Variants in REV3L observed in about 807,000 individuals in gnomAD.
REV3L encodes REV3 like, DNA directed polymerase zeta catalytic subunit, also known as DNA polymerase zeta catalytic subunit.
Under a neutral mutation model 299.4 loss-of-function variants are expected in REV3L, and 69 were observed. The observed-to-expected ratio is 0.23, with a 90% CI of 0.19 to 0.28. The LOEUF is 0.28. Among genes scored for constraint, REV3L ranks in the 10% least tolerant of loss-of-function variants. The probability of loss-of-function intolerance (pLI) is 1.00; values close to 1 mark genes in which losing one functional copy is unlikely to be tolerated. For synonymous variants in REV3L, 1,238 were observed against 1,271.4 expected (o/e 0.97, Z 0.56); for missense variants, 3,128 against 3,693.8 (o/e 0.85, Z 3.97).
Position 111,300,153 on chromosome 6 carries a change from A to C in REV3L, c.9256T>G (p.Cys3086Gly), listed in dbSNP as rs1771318155. 1 of 1,578,730 alleles carries C rather than the reference A, an allele frequency of 6.3e-7. No homozygotes were observed. The highest frequency in any genetic ancestry group is 8.6e-7 in the Non-Finnish European group (1 of 1,166,628). The change falls in exon 32 of 32, where the codon TGC becomes GGC. Residue 3086 changes from cysteine to glycine, a missense_variant. Physicochemically the swap from Cys to Gly is radical, Grantham distance 159 (BLOSUM62 -3). Coordinates refer to ENST00000368802, the MANE Select transcript of REV3L (RefSeq NM_001372078.1). ...TCAAAGCAACCTGTACAGTTCTTGC[A>C]TATCTGAAAGCATAAGAGAAATACA... ...ERQQEQLVKI[C>G]KNCTGCFDRH...
chr6:111,305,619 A>AT (rs1350072260), intron 31 of REV3L, among the ~76,000 whole-genome samples: 1 of 152,060 alleles, frequency 6.6e-6, no homozygotes, highest in African/African-American at 2.4e-5. Context: ...AAATAAATAA[A>AT]AAGAAAAAAA....
intron 1 of REV3L, among the ~76,000 whole-genome samples, chr6:111,471,048 T>C (rs767955726): frequency 4.7e-4 from 71 of 152,258 alleles, no homozygotes; most frequent in Middle Eastern, 3.4e-3. Context: ...GGAATGTATG[T>C]AGAAAATATA....
chr6:111,440,350 T>C (rs1277047980), intron 1 of REV3L, among the ~76,000 whole-genome samples: 1 of 152,188 alleles, frequency 6.6e-6, no homozygotes, highest in Non-Finnish European at 1.5e-5. Flanking sequence ...ATTACAGGCG[T>C]GAGCCACCAC....
In REV3L at chr6:111,311,093, C is replaced by T; in HGVS notation, c.8771G>A (p.Cys2924Tyr). The change falls in exon 29 of 32, where the codon TGT (cysteine) becomes TAT (tyrosine). Residue 2924 changes from cysteine to tyrosine, a missense_variant. Around this residue, in one of 9 missense-constraint regions of REV3L, gnomAD observed 294 missense variants for 377.0 expected, o/e 0.78. Transcript: ENST00000368802. ...RGSFSYKPGA[C>Y]VPALELTRKM... Reference sequence around the variant, plus strand: ...CCTTGTAAGTTCAAGGGCTGGCACACAAGCTCCTGGTTTATAAGAAAAACT... The same window carrying T: ...CCTTGTAAGTTCAAGGGCTGGCACATAAGCTCCTGGTTTATAAGAAAAACT... The T allele has an allele frequency of 6.2e-7, 1 of 1,613,384 alleles. No homozygotes were observed. Among genetic ancestry groups the T allele is most frequent in the African/African-American group, 1.3e-5 (1 of 74,996 alleles).
At chr6:111,430,420 T>C in intron 1 of REV3L, 4 of 1,474,934 alleles carry the variant, frequency 2.7e-6, no homozygotes, top group Non-Finnish European at 3.8e-6. Flanking sequence ...CTAAAGGATA[T>C]TTTCAAACTA....
At chr6:111,318,425 G>A (rs1406665017) in intron 26 of REV3L, among the ~76,000 whole-genome samples, 1 of 152,052 alleles carries the variant, frequency 6.6e-6, no homozygotes. Context: ...ACCGTGCCCG[G>A]CCAGGTTTTC....
intron 26 of REV3L, 125 bp downstream of exon 26, chr6:111,322,444 G>A (rs1266413858): frequency 8.6e-6 from 6 of 699,936 alleles, no homozygotes; most frequent in Admixed American, 2.3e-5. Flanking sequence ...TCATGAGATC[G>A]TAAGGACTGG....
chr6:111,352,885 G>A (rs1438100979), intron 18 of REV3L, among the ~76,000 whole-genome samples: 1 of 152,136 alleles, frequency 6.6e-6, no homozygotes, highest in Non-Finnish European at 1.5e-5. Context: ...ATAGAGAAAT[G>A]TTTAGCTATA....
intron 13 of REV3L, 33 bp downstream of exon 13, chr6:111,372,563 C>A: frequency 7.0e-7 from 1 of 1,426,022 alleles, no homozygotes; most frequent in South Asian, 1.7e-5. Flanking sequence ...CATAATAATT[C>A]AGAGTGACCC....
At chr6:111,328,596 TG>T (rs1244755849) in intron 25 of REV3L, among the ~76,000 whole-genome samples, 3 of 152,154 alleles carry the variant, frequency 2.0e-5, no homozygotes, top group African/African-American at 7.2e-5. Flanking sequence ...AAATTATCAT[TG>T]GAATAAAGAC....
intron 27 of REV3L, among the ~76,000 whole-genome samples, chr6:111,313,705 A>G (rs1410144428): frequency 6.6e-6 from 1 of 152,152 alleles, no homozygotes; most frequent in East Asian, 1.9e-4. Context: ...TTGCGCTACC[A>G]GTTTTGTTTA....
At chr6:111,306,865 C>T (rs1246455327) in intron 31 of REV3L, among the ~76,000 whole-genome samples, 1 of 152,142 alleles carries the variant, frequency 6.6e-6, no homozygotes, top group Non-Finnish European at 1.5e-5. Context: ...GATTGAGTAT[C>T]CCTTATTTGA....
chr6:111,424,410 C>T (rs879535515), intron 1 of REV3L, among the ~76,000 whole-genome samples: 11 of 152,204 alleles, frequency 7.2e-5, no homozygotes, highest in African/African-American at 2.4e-4. Flanking sequence ...AACAAGAACA[C>T]TGGCAAAAAC....
rs528909788 is a variant in REV3L, at chr6:111,327,374, G to A, written c.8241+2158C>T. Among the ~76,000 whole-genome samples, 17 of 152,080 alleles carry A rather than the reference G, an allele frequency of 1.1e-4. No homozygotes were observed. In the South Asian group the frequency reaches 3.1e-3, roughly 28 times the overall value. On this transcript the variant is annotated intron_variant, in intron 25 of 31. Transcript: ENST00000368802. ...ATTCAAGACCAGCCTGGGCAGCAGG[G>A]CGAAACCCCATCTCTACAAAAAATA...
intron 1 of REV3L, among the ~76,000 whole-genome samples, chr6:111,473,850 G>C (rs1562369309): frequency 6.6e-6 from 1 of 152,000 alleles, no homozygotes. Flanking sequence ...TTCAAATCCA[G>C]CCTCACACCA....
At chr6:111,437,005 A>G (rs1276648322) in intron 1 of REV3L, among the ~76,000 whole-genome samples, 2 of 152,214 alleles carry the variant, frequency 1.3e-5, no homozygotes, top group Non-Finnish European at 2.9e-5. Context: ...AAGCACATTA[A>G]AAGATTCTCA....
chr6:111,464,929 G>A (rs1393502456), intron 1 of REV3L, among the ~76,000 whole-genome samples: 1 of 152,008 alleles, frequency 6.6e-6, no homozygotes, highest in Non-Finnish European at 1.5e-5. Context: ...TTGAACCTGG[G>A]AGACGGAGGC....
chr6:111,340,730 T>C (rs902732259), intron 21 of REV3L, among the ~76,000 whole-genome samples: 2 of 152,120 alleles, frequency 1.3e-5, no homozygotes, highest in African/African-American at 2.4e-5. Context: ...AATTTAAGTA[T>C]TCACTTAAAT....
At chr6:111,477,524 C>T (rs538186368) in intron 1 of REV3L, among the ~76,000 whole-genome samples, 1 of 152,210 alleles carries the variant, frequency 6.6e-6, no homozygotes, top group South Asian at 2.1e-4. Flanking sequence ...GCAGGGGCAA[C>T]GGCAGGTACA....
Sources: allele counts gnomAD v4.1 joint callset (sites outside exome capture counted in the v4.1 genomes callset), GRCh38; gene constraint gnomAD v4.1.1; regional missense constraint gnomAD v4.1.1; transcripts MANE v1.5; gene names NCBI Gene and HGNC (gene_info 2026-07-23, HGNC 2026-07-21).